The following NEGR1 variants were observed in gnomAD, a reference collection of about 807,000 sequenced individuals.
The protein encoded by NEGR1 is neuronal growth regulator 1.
NEGR1 carries 10 observed loss-of-function variants against 40.9 expected under a neutral mutation model. The observed-to-expected ratio is 0.24, with a 90% confidence interval of 0.15 to 0.42. The LOEUF (loss-of-function observed/expected upper bound fraction) is 0.42, where lower values mean the gene tolerates loss of function less well. Among genes scored for constraint, NEGR1 ranks in the 10% least tolerant of loss-of-function variants. The pLI is 1.00. For synonymous variants in NEGR1, 185 were observed against 166.8 expected, an observed-to-expected ratio of 1.11 and a Z score of -0.84; for missense variants, 352 against 438.9, an observed-to-expected ratio of 0.80 and a Z score of 1.77.
chr1:71,749,072 C>T (rs1655484330), intron 3 of NEGR1, among the ~76,000 whole-genome samples: 1 of 152,096 alleles, frequency 6.6e-6, no homozygotes, highest in Non-Finnish European at 1.5e-5. Context: ...TTCTTTGATG[C>T]TTTCTATCAA....
chr1:71,993,597 A>C (rs1254719786), intron 1 of NEGR1, among the ~76,000 whole-genome samples: 9 of 152,200 alleles, frequency 5.9e-5, no homozygotes, highest in Non-Finnish European at 2.9e-5. Flanking sequence ...TAAAAGTTGG[A>C]GAATAGCTGA....
intron 1 of NEGR1, among the ~76,000 whole-genome samples, chr1:72,039,478 A>C (rs1390869865): frequency 6.6e-6 from 1 of 152,006 alleles, no homozygotes; most frequent in Non-Finnish European, 1.5e-5. Context: ...AATAAAATGA[A>C]TAATTACATT....
intron 6 of NEGR1, among the ~76,000 whole-genome samples, chr1:71,546,287 A>G (rs993078999): frequency 1.3e-5 from 2 of 151,720 alleles, no homozygotes; most frequent in African/African-American, 4.8e-5. Flanking sequence ...AAGCAACTTG[A>G]TGCACCTATT....
chr1:71,909,882 T>G (rs1661376438), intron 2 of NEGR1, among the ~76,000 whole-genome samples: 2 of 152,208 alleles, frequency 1.3e-5, no homozygotes, highest in African/African-American at 4.8e-5. Context: ...TAAACATGTG[T>G]AATCAAAGTC....
At chr1:71,956,199 T>C (rs904611098) in intron 1 of NEGR1, among the ~76,000 whole-genome samples, 1 of 152,170 alleles carries the variant, frequency 6.6e-6, no homozygotes. Context: ...ACCTTGAGTA[T>C]GAGGATTTCC....
chr1:71,796,115 T>C (rs2101741870), intron 2 of NEGR1, among the ~76,000 whole-genome samples: 1 of 152,270 alleles, frequency 6.6e-6, no homozygotes, highest in East Asian at 1.9e-4. Context: ...TTTTTAACAT[T>C]CAGTTGACCT....
chr1:71,669,710 G>C (rs1451144929), intron 4 of NEGR1, among the ~76,000 whole-genome samples: 1 of 152,070 alleles, frequency 6.6e-6, no homozygotes. Context: ...GAGTGCAGTG[G>C]CGCGATCTCG....
intron 6 of NEGR1, among the ~76,000 whole-genome samples, chr1:71,561,184 C>T (rs1648445956): frequency 6.6e-6 from 1 of 151,548 alleles, no homozygotes; most frequent in East Asian, 1.9e-4. Flanking sequence ...AATACGGAGA[C>T]CAAGGAAGTT....
chr1:71,788,190 G>C (rs954690244), intron 2 of NEGR1, among the ~76,000 whole-genome samples: 1 of 151,674 alleles, frequency 6.6e-6, no homozygotes, highest in African/African-American at 2.4e-5. Context: ...ACAAACAAAG[G>C]TTATCATGCA....
intron 1 of NEGR1, among the ~76,000 whole-genome samples, chr1:72,131,780 T>C (rs1390800245): frequency 1.3e-5 from 2 of 152,182 alleles, no homozygotes; most frequent in African/African-American, 4.8e-5. Context: ...ATATACAATA[T>C]TAGTTATCCT....
In NEGR1 at chr1:72,267,976, C is replaced by A. The variant is rs180947922; in HGVS notation, c.176+14343G>T. On this transcript the variant is annotated intron_variant, in intron 1 of 6. Coordinates refer to ENST00000357731, the MANE Select transcript of NEGR1 (RefSeq NM_173808.3). ...CAGAGAAAACAGTATGAAAGAAAAG[C>A]ATCCCAGATGGAAAAAAAAATAAGT... 6.8e-4 allele frequency among the ~76,000 whole-genome samples: 103 copies of A among 150,894 alleles called. 2 individuals are homozygous for A. In the East Asian group the frequency reaches 0.019, roughly 27 times the overall value.
At chr1:72,006,408 C>T (rs1338427569) in intron 1 of NEGR1, among the ~76,000 whole-genome samples, 1 of 152,124 alleles carries the variant, frequency 6.6e-6, no homozygotes, top group Non-Finnish European at 1.5e-5. Context: ...TTCTCCACCA[C>T]AAAATGTAAT....
At chr1:72,042,856 T>C (rs149046847) in intron 1 of NEGR1, among the ~76,000 whole-genome samples, 1 of 152,044 alleles carries the variant, frequency 6.6e-6, no homozygotes, top group African/African-American at 2.4e-5. Context: ...ATGTAAAGGA[T>C]CTAAACTAGC....
chr1:72,269,616 A>G (rs1482001192), intron 1 of NEGR1, among the ~76,000 whole-genome samples: 3 of 151,710 alleles, frequency 2.0e-5, no homozygotes, highest in South Asian at 2.1e-4. Context: ...AAGTAGAAAA[A>G]GTATAGTTTG....
chr1:72,261,610 C>T (rs1272924444), intron 1 of NEGR1, among the ~76,000 whole-genome samples: 3 of 151,970 alleles, frequency 2.0e-5, no homozygotes, highest in Non-Finnish European at 4.4e-5. Context: ...TGGTGTCCGG[C>T]ACCACTTTGG....
At chr1:71,462,269 T>C (rs1033802319) in intron 6 of NEGR1, among the ~76,000 whole-genome samples, 2 of 152,166 alleles carry the variant, frequency 1.3e-5, no homozygotes, top group Admixed American at 1.3e-4. Context: ...TTCTTCTCTG[T>C]CAGGATAGAG....
At chr1:71,689,185 T>G (rs572521516) in intron 4 of NEGR1, among the ~76,000 whole-genome samples, 239 of 152,324 alleles carry the variant, frequency 1.6e-3, no homozygotes, top group Non-Finnish European at 2.7e-3. Context: ...TCATCCTTAT[T>G]AATTTCTCAA....
intron 3 of NEGR1, among the ~76,000 whole-genome samples, chr1:71,734,302 C>T (rs1654980821): frequency 6.6e-6 from 1 of 152,112 alleles, no homozygotes; most frequent in South Asian, 2.1e-4. Context: ...TTTATCCCTC[C>T]CTAGCAGGTA....
At chr1:71,923,882 G>A (rs1645744649) in intron 2 of NEGR1, among the ~76,000 whole-genome samples, 1 of 151,904 alleles carries the variant, frequency 6.6e-6, no homozygotes, top group South Asian at 2.1e-4. Context: ...GGCCTGACTG[G>A]ATAAGCAAAG....
Sources: gnomAD v4.1 joint callset for allele counts (sites outside exome capture counted in the v4.1 genomes callset) on GRCh38, gnomAD v4.1.1 for gene constraint, MANE v1.5 for transcripts, NCBI Gene and HGNC (gene_info 2026-07-23, HGNC 2026-07-21) for gene names.